The following NEK10 variants were observed in gnomAD, a reference collection of about 807,000 sequenced individuals.
The protein encoded by NEK10 is serine/threonine-protein kinase Nek10.
Under a neutral mutation model 159.8 loss-of-function variants are expected in NEK10, and 122 were observed. The observed-to-expected ratio is 0.76, with a 90% confidence interval of 0.66 to 0.89. NEK10 has a LOEUF of 0.89. Ranked by LOEUF, NEK10 falls within the 40% of genes least tolerant of loss-of-function variation. The probability of loss-of-function intolerance (pLI) is 0.00; values close to 1 mark genes in which losing one functional copy is unlikely to be tolerated. For synonymous variants in NEK10, 466 were observed against 457.1 expected (o/e 1.02, Z -0.25); for missense variants, 1,342 against 1,323.1 (o/e 1.01, Z -0.22).
rs567715160 is a variant in NEK10 at position 27,281,874 on chromosome 3, C to T, written c.2014+2728G>A. Reference sequence around the variant, plus strand: ...AAGTGGGAGTACTTATCATGTTTGACCATGTGGAAAATAGTACTGAGAGGG... The same window carrying T: ...AAGTGGGAGTACTTATCATGTTTGATCATGTGGAAAATAGTACTGAGAGGG... On this transcript the variant is annotated intron_variant, in intron 22 of 35. Coordinates refer to ENST00000691995, the MANE Select transcript of NEK10 (RefSeq NM_001394966.1). Among the ~76,000 whole-genome samples the T allele has an allele frequency of 7.9e-5, 12 of 152,140 alleles. No individual in the cohort carries two copies. The South Asian group carries it at 2.5e-3, about 32-fold the overall frequency.
At chr3:27,187,042 C>A (rs1156788832) in intron 26 of NEK10, among the ~76,000 whole-genome samples, 1 of 152,164 alleles carries the variant, frequency 6.6e-6, no homozygotes, top group African/African-American at 2.4e-5. Flanking sequence ...AAAATAGTAA[C>A]CCCAAGGGGA....
chr3:27,247,826 T>TTTC (rs1219020156), intron 23 of NEK10, among the ~76,000 whole-genome samples: 7 of 150,784 alleles, frequency 4.6e-5, no homozygotes, highest in African/African-American at 1.5e-4. Flanking sequence ...TTTTCTTTTT[T>TTTC]TTTTTTTTTT....
At chr3:27,294,001 T>G (rs2043173630) in intron 15 of NEK10, among the ~76,000 whole-genome samples, 4 of 152,236 alleles carry the variant, frequency 2.6e-5, no homozygotes, top group Admixed American at 2.6e-4. Context: ...AGGTTTATTT[T>G]GTTTCTAGCC....
chr3:27,140,301 C>T (rs1377539549), intron 31 of NEK10, among the ~76,000 whole-genome samples: 2 of 152,140 alleles, frequency 1.3e-5, no homozygotes, highest in Non-Finnish European at 2.9e-5. Flanking sequence ...CTCAAAGCCC[C>T]TTGATTAAGT....
chr3:27,117,276 A>G (rs1441382887), intron 33 of NEK10, among the ~76,000 whole-genome samples: 1 of 152,174 alleles, frequency 6.6e-6, no homozygotes, highest in Non-Finnish European at 1.5e-5. Flanking sequence ...TGAATAGTAT[A>G]GCAATGAACA....
chr3:27,347,446 A>G (rs1478368428), intron 3 of NEK10, among the ~76,000 whole-genome samples: 1 of 146,760 alleles, frequency 6.8e-6, no homozygotes, highest in Non-Finnish European at 1.5e-5. Context: ...AGGTTGCGAT[A>G]AGCCAAGATC....
intron 29 of NEK10, among the ~76,000 whole-genome samples, chr3:27,167,479 T>C (rs922536564): frequency 2.0e-5 from 3 of 152,168 alleles, no homozygotes; most frequent in Admixed American, 6.5e-5. Flanking sequence ...CCTGAGAATA[T>C]GTGACAAAGA....
At chr3:27,284,045 G>A (rs1216883183) in intron 22 of NEK10, among the ~76,000 whole-genome samples, 5 of 152,126 alleles carry the variant, frequency 3.3e-5, no homozygotes, top group African/African-American at 4.8e-5. Flanking sequence ...ACTAGTCACT[G>A]TCCAACATGG....
chr3:27,289,747 C>G (rs894208742), intron 19 of NEK10, among the ~76,000 whole-genome samples: 9 of 152,164 alleles, frequency 5.9e-5, no homozygotes, highest in African/African-American at 1.2e-4. Context: ...AACACATGAA[C>G]AAACTACACA....
chr3:27,222,939 T>C (rs1485413704), intron 23 of NEK10, among the ~76,000 whole-genome samples: 1 of 152,050 alleles, frequency 6.6e-6, no homozygotes, highest in Admixed American at 6.5e-5. Flanking sequence ...TTAAGTTTTT[T>C]TTTGGCAACA....
At chr3:27,239,842 A>G (rs1311805724) in intron 23 of NEK10, among the ~76,000 whole-genome samples, 1 of 152,206 alleles carries the variant, frequency 6.6e-6, no homozygotes, top group African/African-American at 2.4e-5. Context: ...CATAAGAGAA[A>G]AACTTCAATT....
chr3:27,143,833 T>C (rs957117694), intron 30 of NEK10, among the ~76,000 whole-genome samples: 1 of 152,192 alleles, frequency 6.6e-6, no homozygotes, highest in African/African-American at 2.4e-5. Flanking sequence ...TCCATTTACA[T>C]ACATAAATGT....
At chr3:27,192,321 C>A in intron 25 of NEK10, 79 bp from the exon 26 acceptor site, 2 of 1,001,748 alleles carry the variant, frequency 2.0e-6, no homozygotes, top group East Asian at 4.9e-5. Context: ...CAAGGTTAAA[C>A]TCCACTGTGT....
intron 23 of NEK10, among the ~76,000 whole-genome samples, chr3:27,203,429 A>G (rs1184481797): frequency 6.6e-6 from 1 of 152,258 alleles, no homozygotes; most frequent in Non-Finnish European, 1.5e-5. Context: ...ACATTTAAAT[A>G]ATTTGCAACG....
In NEK10 at chr3:27,106,624, T is replaced by C. The variant is rs1248975262; in HGVS notation, c.*4648A>G. ...ATCATTTTGTAAGTGACCTTCACAGTCTGCCTTAAAGGTGCCAAGGCCTTA... is the reference window on the plus strand; with the variant it reads ...ATCATTTTGTAAGTGACCTTCACAGCCTGCCTTAAAGGTGCCAAGGCCTTA... On this transcript the variant is annotated 3_prime_UTR_variant, in exon 36 of 36. Transcript: ENST00000691995. Among the ~76,000 whole-genome samples, 3 of 152,220 alleles carry C rather than the reference T, an allele frequency of 2.0e-5. No homozygotes were observed. The highest frequency in any genetic ancestry group is 3.9e-4 in the East Asian group (2 of 5,186).
intron 32 of NEK10, among the ~76,000 whole-genome samples, chr3:27,120,560 C>T (rs1263839281): frequency 6.6e-6 from 1 of 151,960 alleles, no homozygotes; most frequent in East Asian, 1.9e-4. Flanking sequence ...GAACTCCTGA[C>T]CTCAGCTGAT....
chr3:27,231,686 A>C (rs562395720), intron 23 of NEK10, among the ~76,000 whole-genome samples: 1 of 151,992 alleles, frequency 6.6e-6, no homozygotes, highest in Non-Finnish European at 1.5e-5. Flanking sequence ...CCACAGAAAT[A>C]AAAAAGATCA....
chr3:27,256,103 T>A (rs1956138823), intron 23 of NEK10, among the ~76,000 whole-genome samples, 193 bp downstream of exon 23: 1 of 152,172 alleles, frequency 6.6e-6, no homozygotes, highest in Non-Finnish European at 1.5e-5. Flanking sequence ...AGAAAGATTA[T>A]TTTTGTGGTG....
At chr3:27,290,890 G>C in intron 18 of NEK10, 136 bp from the exon 19 acceptor site, 1 of 682,486 alleles carries the variant, frequency 1.5e-6, no homozygotes, top group Non-Finnish European at 2.4e-6. Flanking sequence ...AGCATTTAAA[G>C]TTCCAGCTGT....
Sources: gnomAD v4.1 joint callset for allele counts (sites outside exome capture counted in the v4.1 genomes callset) on GRCh38, gnomAD v4.1.1 for gene constraint, MANE v1.5 for transcripts, NCBI Gene and HGNC (gene_info 2026-07-23, HGNC 2026-07-21) for gene names.